CACNA1D: variants seen among roughly 807,000 people sequenced by gnomAD.
CACNA1D encodes calcium voltage-gated channel subunit alpha1 D.
A neutral mutation model predicts 257.1 loss-of-function variants in CACNA1D; 55 were observed. That is an observed-to-expected ratio of 0.21 (90% CI 0.17 to 0.27). The LOEUF is 0.27. Among genes scored for constraint, CACNA1D ranks in the 10% least tolerant of loss-of-function variants. The probability of loss-of-function intolerance (pLI) is 1.00; values close to 1 mark genes in which losing one functional copy is unlikely to be tolerated. For synonymous variants in CACNA1D, 980 were observed against 1,014.9 expected (o/e 0.97, Z 0.65); for missense variants, 1,876 against 2,784.0 (o/e 0.67, Z 7.34).
intron 8 of CACNA1D, among the ~76,000 whole-genome samples, chr3:53,695,828 C>T (rs2094568288): frequency 6.6e-6 from 1 of 152,186 alleles, no homozygotes; most frequent in Non-Finnish European, 1.5e-5. Context: ...ACGCATAACA[C>T]CTGTGAAAGC....
At chr3:53,740,165 G>T in intron 20 of CACNA1D, 115 bp from the exon 21 acceptor site, 1 of 817,740 alleles carries the variant, frequency 1.2e-6, no homozygotes, top group South Asian at 1.3e-5. Context: ...CAGAATGGCA[G>T]GGTTTTCCTG....
rs2106941991 is a variant in CACNA1D at position 53,813,090 on chromosome 3, T to G, written c.*1684T>G. 1 of 152,040 alleles carries G rather than the reference T, an allele frequency of 6.6e-6. No homozygotes were observed. The highest frequency in any genetic ancestry group is 2.1e-4 in the South Asian group (1 of 4,808). The allele number at this position is 152,040 out of a possible 1,614,324, so 9.4% of individuals were successfully genotyped here. On this transcript the variant is annotated 3_prime_UTR_variant, in exon 48 of 48. Coordinates refer to ENST00000350061, the MANE Select transcript of CACNA1D (RefSeq NM_001128840.3). ...AAAAGATAGATGATAGGTAGCAATT[T>G]TGGTCCAAAATTTTTAATAGTATAC...
At chr3:53,597,406 A>C (rs1392616705) in intron 3 of CACNA1D, among the ~76,000 whole-genome samples, 1 of 152,358 alleles carries the variant, frequency 6.6e-6, no homozygotes. Context: ...GCTCAAGACC[A>C]CAGCACCAGG....
At chr3:53,809,045 A>C in intron 46 of CACNA1D, 1 of 464,462 alleles carries the variant, frequency 2.2e-6, no homozygotes, top group South Asian at 2.5e-5. Flanking sequence ...GATCCCCACC[A>C]CCTCTTCCTG....
intron 3 of CACNA1D, among the ~76,000 whole-genome samples, chr3:53,595,792 G>A (rs946792268): frequency 2.0e-5 from 3 of 152,146 alleles, no homozygotes; most frequent in Non-Finnish European, 1.5e-5. Flanking sequence ...TCCTACCCTC[G>A]ATGAGTTTAC....
chr3:53,587,033 C>A (rs1312504382), intron 3 of CACNA1D, among the ~76,000 whole-genome samples: 1 of 152,020 alleles, frequency 6.6e-6, no homozygotes. Context: ...GTTCCTGGAA[C>A]CGTGGGGCCC....
chr3:53,554,992 A>G (rs557122761), intron 3 of CACNA1D, among the ~76,000 whole-genome samples: 1 of 152,242 alleles, frequency 6.6e-6, no homozygotes, highest in South Asian at 2.1e-4. Context: ...ATTGTGAATG[A>G]TAATATCATT....
chr3:53,639,486 A>C (rs369185430), intron 3 of CACNA1D, among the ~76,000 whole-genome samples: 45 of 151,926 alleles, frequency 3.0e-4, no homozygotes, highest in African/African-American at 1.0e-3. Context: ...TCCTGGGTTC[A>C]AGTGATTCTC....
chr3:53,727,392 G>A (rs2094946319), intron 15 of CACNA1D, among the ~76,000 whole-genome samples: 5 of 152,216 alleles, frequency 3.3e-5, no homozygotes, highest in Admixed American at 3.3e-4. Context: ...GACTTCCTAA[G>A]ACCCTTCGTG....
chr3:53,539,688 C>A (rs1022179914), intron 3 of CACNA1D, among the ~76,000 whole-genome samples: 3 of 152,196 alleles, frequency 2.0e-5, no homozygotes, highest in Admixed American at 1.3e-4. Flanking sequence ...ATGTGTCATG[C>A]CAGCTGATAT....
chr3:53,716,882 G>A (rs2094824726), intron 9 of CACNA1D, among the ~76,000 whole-genome samples: 1 of 152,186 alleles, frequency 6.6e-6, no homozygotes, highest in Non-Finnish European at 1.5e-5. Context: ...GGTTCCTTGA[G>A]CCAGGTTCCA....
Position 53,810,104 on chromosome 3 carries a change from C to G in CACNA1D, c.5998C>G (p.Leu2000Val). 1.2e-6 allele frequency: 2 copies of G among 1,614,012 alleles called. No individual in the cohort carries two copies. Among genetic ancestry groups the G allele is most frequent in the Non-Finnish European group, 1.7e-6 (2 of 1,180,032 alleles). The change falls in exon 47 of 48, where the codon CTG (leucine) becomes GTG (valine). Residue 2000 changes from leucine (L) to valine (V), a missense_variant. Physicochemically the swap from Leu to Val is conservative, Grantham distance 32. Coordinates refer to ENST00000350061, the MANE Select transcript of CACNA1D (RefSeq NM_001128840.3). ...YRDWTPCYTPLIQVEQSEALD... is the reference protein window; with the variant it reads ...YRDWTPCYTPVIQVEQSEALD... ...GGACTGGACACCGTGCTACACCCCCCTGATCCAAGTGGAGCAGTCAGAGGC... is the reference window on the plus strand; with the variant it reads ...GGACTGGACACCGTGCTACACCCCCGTGATCCAAGTGGAGCAGTCAGAGGC...
chr3:53,599,753 T>C (rs951374371), intron 3 of CACNA1D, among the ~76,000 whole-genome samples: 19 of 152,214 alleles, frequency 1.2e-4, no homozygotes, highest in African/African-American at 4.6e-4. Context: ...CCTCTCCTTA[T>C]TCACTAGAAG....
chr3:53,697,831 C>T (rs1045146631), intron 8 of CACNA1D, among the ~76,000 whole-genome samples: 36 of 152,206 alleles, frequency 2.4e-4, no homozygotes, highest in African/African-American at 8.2e-4. Context: ...TATGACATAT[C>T]TCCATAATGT....
intron 21 of CACNA1D, among the ~76,000 whole-genome samples, chr3:53,742,436 C>A (rs551239451): frequency 1.3e-5 from 2 of 152,342 alleles, no homozygotes; most frequent in African/African-American, 4.8e-5. Context: ...GAGATGCCAC[C>A]TGGCTTCCTA....
intron 9 of CACNA1D, among the ~76,000 whole-genome samples, chr3:53,703,340 G>C (rs1381863231): frequency 6.6e-6 from 1 of 152,174 alleles, no homozygotes; most frequent in African/African-American, 2.4e-5. Flanking sequence ...GTGTTAAGGG[G>C]CACGTGAGTC....
chr3:53,655,866 G>C, intron 4 of CACNA1D, among the ~76,000 whole-genome samples: 1 of 152,176 alleles, frequency 6.6e-6, no homozygotes, highest in East Asian at 1.9e-4. Flanking sequence ...CCTATGTCCA[G>C]AATGGTATTG....
At chr3:53,742,986 A>G (rs1182492295) in intron 21 of CACNA1D, 25 bp from the exon 22 acceptor site, 2 of 1,475,152 alleles carry the variant, frequency 1.4e-6, no homozygotes, top group African/African-American at 1.4e-5. Flanking sequence ...AAAAAATGGT[A>G]AATCATCCAT....
In CACNA1D at chr3:53,776,842, A is replaced by G. The variant is rs1559668729; in HGVS notation, c.4491-18A>G. The G allele has an allele frequency of 1.1e-5, 18 of 1,613,510 alleles. No homozygotes were observed. The highest frequency in any genetic ancestry group is 1.5e-5 in the Non-Finnish European group (18 of 1,179,446). ...AGCTGGTACTGTTCCTGGACCTTAG[A>G]TTGTATTTTACTTCCAGGGGAAGGA... On this transcript the variant is annotated intron_variant, in intron 36 of 47. Coordinates refer to ENST00000350061, the MANE Select transcript of CACNA1D (RefSeq NM_001128840.3).
Sources: allele counts gnomAD v4.1 joint callset (sites outside exome capture counted in the v4.1 genomes callset), GRCh38; gene constraint gnomAD v4.1.1; transcripts MANE v1.5; gene names NCBI Gene and HGNC (gene_info 2026-07-23, HGNC 2026-07-21).